AK7: variants seen among roughly 807,000 people sequenced by gnomAD.
AK7 encodes the protein ATP-AMP transphosphorylase 7.
Under a neutral mutation model 96.6 loss-of-function variants are expected in AK7, and 78 were observed. The ratio of observed to expected loss-of-function variants is 0.81; its 90% CI spans 0.67 to 0.97. The LOEUF (loss-of-function observed/expected upper bound fraction) is 0.97, where lower values mean the gene tolerates loss of function less well. Among genes scored for constraint, AK7 ranks in the 50% least tolerant of loss-of-function variants. AK7 has a pLI of 0.00. For synonymous variants in AK7, 302 were observed against 317.2 expected (o/e 0.95, Z 0.51); for missense variants, 855 against 887.9 (o/e 0.96, Z 0.47).
intron 7 of AK7, among the ~76,000 whole-genome samples, chr14:96,444,504 A>G (rs1393650822): frequency 1.3e-5 from 2 of 152,144 alleles, no homozygotes; most frequent in African/African-American, 4.8e-5. Flanking sequence ...GAAAATCAAA[A>G]TGGAGTCACC....
chr14:96,451,382 CA>C (rs764749876), intron 9 of AK7, 38 bp from the exon 10 acceptor site: 5 of 1,494,372 alleles, frequency 3.3e-6, no homozygotes, highest in African/African-American at 1.4e-5. Context: ...CAGAATTAAA[CA>C]AAAAAAGACA....
In AK7 at chr14:96,478,549, A is replaced by T. The variant is rs573244932; in HGVS notation, c.1640A>T (p.His547Leu). 6.2e-7 allele frequency: 1 copy of T among 1,614,184 alleles called. No individual in the cohort carries two copies. Among genetic ancestry groups the T allele is most frequent in the Admixed American group, 1.7e-5 (1 of 60,026 alleles). ...NLPESIVAGTHYSQDRFLRAL... is the reference protein window; with the variant it reads ...NLPESIVAGTLYSQDRFLRAL... ...CCTGAGAGCATCGTGGCGGGGACCC[A>T]CTACAGCCAAGACCGATTCCTCCGG... The change falls in exon 15 of 18, where the codon CAC becomes CTC. Residue 547 changes from histidine (H) to leucine (L), a missense_variant. Physicochemically the swap from His to Leu is moderately conservative, Grantham distance 99. Coordinates refer to ENST00000267584, the MANE Select transcript of AK7 (RefSeq NM_152327.5).
chr14:96,410,833 T>A (rs1890989394), intron 4 of AK7, among the ~76,000 whole-genome samples: 1 of 151,886 alleles, frequency 6.6e-6, no homozygotes. Flanking sequence ...CGAAACCACG[T>A]CTCTACAAAA....
intron 4 of AK7, 68 bp from the exon 5 acceptor site, chr14:96,420,754 C>A (rs1891634529): frequency 1.8e-6 from 2 of 1,125,760 alleles, no homozygotes; most frequent in South Asian, 1.4e-5. Flanking sequence ...AGGAACATAT[C>A]TTTAGCCTTA....
intron 16 of AK7, among the ~76,000 whole-genome samples, chr14:96,483,423 T>C (rs1474905161): frequency 6.6e-6 from 1 of 151,472 alleles, no homozygotes; most frequent in East Asian, 1.9e-4. Flanking sequence ...TTTTTTTTTT[T>C]CTTTTTCTTT....
intron 14 of AK7, 51 bp downstream of exon 14, chr14:96,472,806 G>T: frequency 4.6e-6 from 7 of 1,514,258 alleles, no homozygotes; most frequent in Non-Finnish European, 6.4e-6. Context: ...TCTGGGCTGG[G>T]CGTGGTGGCT....
chr14:96,466,268 G>A (rs544573221), intron 12 of AK7, among the ~76,000 whole-genome samples: 1 of 151,324 alleles, frequency 6.6e-6, no homozygotes, highest in East Asian at 2.0e-4. Context: ...CAGAGTCCTC[G>A]CTCTGTCACC....
chr14:96,450,616 A>G (rs995466608), intron 9 of AK7, among the ~76,000 whole-genome samples: 1 of 151,802 alleles, frequency 6.6e-6, no homozygotes, highest in Non-Finnish European at 1.5e-5. Context: ...TCAAGCTTGC[A>G]TTAGAATGCA....
At chr14:96,407,871 G>A (rs1341224086) in intron 3 of AK7, among the ~76,000 whole-genome samples, 1 of 151,950 alleles carries the variant, frequency 6.6e-6, no homozygotes, top group Non-Finnish European at 1.5e-5. Flanking sequence ...GAGCCACCAC[G>A]CCCGGCCGAT....
At chr14:96,417,228 C>A (rs1485536917) in intron 4 of AK7, among the ~76,000 whole-genome samples, 1 of 152,196 alleles carries the variant, frequency 6.6e-6, no homozygotes, top group East Asian at 1.9e-4. Context: ...AGTGAAAATA[C>A]AGGACACCCA....
intron 12 of AK7, among the ~76,000 whole-genome samples, chr14:96,465,169 C>G (rs1029286251): frequency 6.6e-6 from 1 of 152,068 alleles, no homozygotes; most frequent in Non-Finnish European, 1.5e-5. Context: ...GTATTAAAGA[C>G]CTAAAAATAA....
intron 5 of AK7, among the ~76,000 whole-genome samples, chr14:96,429,011 T>C (rs1330638520): frequency 6.6e-6 from 1 of 152,252 alleles, no homozygotes; most frequent in East Asian, 1.9e-4. Context: ...CCATTGCTTT[T>C]GGTATTTTAA....
intron 15 of AK7, 152 bp downstream of exon 15, chr14:96,478,814 C>A: frequency 1.4e-6 from 1 of 709,208 alleles, no homozygotes; most frequent in Non-Finnish European, 2.4e-6. Flanking sequence ...GGCACTCCTC[C>A]TGGGGAGTCA....
chr14:96,454,924 G>A (rs889676688), intron 10 of AK7, among the ~76,000 whole-genome samples: 2 of 152,094 alleles, frequency 1.3e-5, no homozygotes, highest in African/African-American at 2.4e-5. Context: ...TACCACTTTG[G>A]GAGGTCGAGG....
rs144928283 is a variant in AK7, at chr14:96,452,282, A to G, written c.1098+712A>G. On this transcript the variant is annotated intron_variant, in intron 10 of 17. Coordinates refer to ENST00000267584, the MANE Select transcript of AK7 (RefSeq NM_152327.5). ...GTGAAAGGTGGATATTCTTATCTAT[A>G]TAGTATAGATTAGGAAACAAAGGCT... Among the ~76,000 whole-genome samples, 108 of 152,230 alleles carry G rather than the reference A, an allele frequency of 7.1e-4. 1 individual carries two copies. Among genetic ancestry groups the G allele is most frequent in the African/African-American group, 2.5e-3 (103 of 41,550 alleles).
At position 96,419,769 on chromosome 14, in the gene AK7, CATTTT is replaced by C. The variant is rs1281742389; in HGVS notation, c.499-1052_499-1048del. 4.2e-3 allele frequency among the ~76,000 whole-genome samples: 586 copies of C among 139,428 alleles called. 1 individual carries two copies. Among genetic ancestry groups the C allele is most frequent in the Middle Eastern group, 0.015 (4 of 270 alleles). The allele number at this position is 139,428 out of a possible 152,430, so 91.5% of individuals were successfully genotyped here. On this transcript the variant is annotated intron_variant, in intron 4 of 17. Coordinates refer to ENST00000267584, the MANE Select transcript of AK7 (RefSeq NM_152327.5). ...AAATTATAAAATTTGTCTCCTAAAG[CATTTT>C]TTTTTCTTTCTTTTCTTTTTTTTTT...
Position 96,458,139 on chromosome 14 carries a change from A to AGAGGAG in AK7, c.1291_1296dup (p.Glu431_Glu432dup). 1 of 1,613,996 alleles carries AGAGGAG rather than the reference A, an allele frequency of 6.2e-7. No individual in the cohort carries two copies. Among genetic ancestry groups the AGAGGAG allele is most frequent in the Non-Finnish European group, 8.5e-7 (1 of 1,179,946 alleles). On this transcript the variant is annotated inframe_insertion, in exon 12 of 18. Transcript: ENST00000267584. ...AAGGAGAAGAAGAAGTCGAAGAGGAAGAGGAGGAGGAGAATGTGGAAGATG... is the reference window on the plus strand; with the variant it reads ...AAGGAGAAGAAGAAGTCGAAGAGGAAGAGGAGGAGGAGGAGGAGAATGTGGAAGATG...
At chr14:96,481,104 G>A (rs1003332434) in intron 15 of AK7, among the ~76,000 whole-genome samples, 1 of 152,126 alleles carries the variant, frequency 6.6e-6, no homozygotes, top group Non-Finnish European at 1.5e-5. Context: ...TGGGAGCCAA[G>A]GCCAGAGCTG....
chr14:96,450,309 G>A (rs144711247), intron 9 of AK7, among the ~76,000 whole-genome samples: 146 of 151,958 alleles, frequency 9.6e-4, no homozygotes, highest in African/African-American at 3.3e-3. Flanking sequence ...CCAGTTACTT[G>A]GGAGGCTGAG....
Sources: allele counts gnomAD v4.1 joint callset (sites outside exome capture counted in the v4.1 genomes callset), GRCh38; gene constraint gnomAD v4.1.1; transcripts MANE v1.5; gene names NCBI Gene and HGNC (gene_info 2026-07-23, HGNC 2026-07-21).